The following ELAVL4 variants were observed in gnomAD, a reference collection of about 807,000 sequenced individuals.
ELAVL4 encodes the protein ELAV like RNA binding protein 4.
ELAVL4 carries 1 observed loss-of-function variant against 35.6 expected under a neutral mutation model. The observed-to-expected ratio is 0.03, with a 90% confidence interval of 0.01 to 0.13. ELAVL4 has a LOEUF of 0.13. ELAVL4 is among the 10% of genes least tolerant of loss of function. The pLI is 1.00. For missense variants in ELAVL4, 267 were observed against 464.9 expected (o/e 0.57, Z 3.91); for synonymous variants, 156 against 171.0 (o/e 0.91, Z 0.69).
At chr1:50,113,695 C>T (rs928283967) in intron 1 of ELAVL4, among the ~76,000 whole-genome samples, 12 of 152,000 alleles carry the variant, frequency 7.9e-5, no homozygotes, top group African/African-American at 2.9e-4. Context: ...ATTGTCCAGT[C>T]GATGGGCCAT....
At chr1:50,092,795 A>G (rs1458526485) in intron 1 of ELAVL4, among the ~76,000 whole-genome samples, 1 of 152,198 alleles carries the variant, frequency 6.6e-6, no homozygotes, top group Non-Finnish European at 1.5e-5. Context: ...TAGTTCAGTT[A>G]GGTAAACCAG....
intron 2 of ELAVL4, among the ~76,000 whole-genome samples, chr1:50,149,520 C>G (rs1219675807): frequency 1.3e-5 from 2 of 149,854 alleles, no homozygotes; most frequent in Non-Finnish European, 3.0e-5. Flanking sequence ...TCATGTCACT[C>G]TCTGTGTACC....
intron 1 of ELAVL4, chr1:50,109,541 G>T (rs1666705442): frequency 2.8e-6 from 1 of 358,896 alleles, no homozygotes; most frequent in East Asian, 5.0e-5. Context: ...TAAGGGAGAG[G>T]GGGTTTGTCT....
At chr1:50,116,789 AC>A in intron 1 of ELAVL4, among the ~76,000 whole-genome samples, 1 of 152,086 alleles carries the variant, frequency 6.6e-6, no homozygotes, top group Non-Finnish European at 1.5e-5. Flanking sequence ...TGTGATTTTT[AC>A]CAGATTTGAC....
chr1:50,172,214 A>ATCTCC lies in ELAVL4; in HGVS notation c.251-4875_251-4874insTCTCC, dbSNP rs569040364. 3.3e-3 allele frequency among the ~76,000 whole-genome samples: 501 copies of ATCTCC among 152,328 alleles called. 1 individual carries two copies. Among genetic ancestry groups the ATCTCC allele is most frequent in the African/African-American group, 0.011 (468 of 41,566 alleles). ...GATCAGAATAATCTCCAGGATCCTA[A>ATCTCC]AGGCAAGGAAAAGCTACGTCTATCC... On this transcript the variant is annotated intron_variant, in intron 2 of 6. Transcript: ENST00000371824.
intron 2 of ELAVL4, among the ~76,000 whole-genome samples, chr1:50,145,984 A>C (rs1005709109): frequency 2.0e-5 from 3 of 152,200 alleles, no homozygotes; most frequent in Non-Finnish European, 4.4e-5. Flanking sequence ...GGCAGTGAGA[A>C]TATTTTCTTG....
At chr1:50,120,140 A>G (rs1009647214) in intron 1 of ELAVL4, among the ~76,000 whole-genome samples, 3 of 151,818 alleles carry the variant, frequency 2.0e-5, no homozygotes, top group African/African-American at 7.3e-5. Flanking sequence ...AGTATTTAAA[A>G]TATATTATAG....
At chr1:50,122,536 G>A (rs146321606) in intron 1 of ELAVL4, among the ~76,000 whole-genome samples, 7 of 152,206 alleles carry the variant, frequency 4.6e-5, no homozygotes, top group African/African-American at 1.7e-4. Context: ...CTAGTGGCAT[G>A]GGTATTCTTA....
intron 2 of ELAVL4, among the ~76,000 whole-genome samples, chr1:50,150,339 C>G (rs895045300): frequency 6.6e-6 from 1 of 152,134 alleles, no homozygotes; most frequent in Non-Finnish European, 1.5e-5. Flanking sequence ...AGAATAAGGC[C>G]AAATAAATGA....
intron 2 of ELAVL4, among the ~76,000 whole-genome samples, chr1:50,171,881 AC>A (rs1036913246): frequency 3.3e-5 from 5 of 152,190 alleles, no homozygotes; most frequent in African/African-American, 9.6e-5. Context: ...TATGTGGATT[AC>A]TGCCATGCAG....
At chr1:50,100,547 C>T (rs1403441121), upstream of ELAVL4, among the ~76,000 whole-genome samples, 2 of 152,196 alleles carry the variant, frequency 1.3e-5, no homozygotes, top group Non-Finnish European at 2.9e-5. Context: ...AAGCCTTCCC[C>T]ATCACTCCAG....
chr1:50,081,786 G>A (rs1245339261), intron 1 of ELAVL4, among the ~76,000 whole-genome samples: 5 of 152,202 alleles, frequency 3.3e-5, no homozygotes, highest in South Asian at 4.2e-4. Flanking sequence ...CCATCAACCC[G>A]TCATCTACAT....
intron 1 of ELAVL4, among the ~76,000 whole-genome samples, chr1:50,095,287 C>G (rs1665672478): frequency 6.6e-6 from 1 of 151,984 alleles, no homozygotes; most frequent in Non-Finnish European, 1.5e-5. Flanking sequence ...TTGCTGAGTT[C>G]CTTAGGAACT....
intron 1 of ELAVL4, among the ~76,000 whole-genome samples, chr1:50,048,872 T>A (rs576310224): frequency 2.1e-4 from 32 of 152,210 alleles, no homozygotes; most frequent in Non-Finnish European, 3.4e-4. Flanking sequence ...GTGTATGTTG[T>A]AATTGTTGTC....
chr1:50,195,857 T>C lies in ELAVL4; in HGVS notation c.734+71T>C, dbSNP rs137932086. On this transcript the variant is annotated intron_variant, in intron 5 of 6. Transcript: ENST00000371824. ...GCTGGGCAAGAGCCAGGGAAGCCCA[T>C]GGTCCTGACAAATGGGGCAAGGGTA... The C allele has an allele frequency of 6.3e-4, 993 of 1,567,824 alleles. 14 individuals are homozygous for C. In the East Asian group the frequency reaches 0.022, roughly 34 times the overall value.
intron 3 of ELAVL4, among the ~76,000 whole-genome samples, chr1:50,187,109 C>T (rs1330430940): frequency 1.3e-5 from 2 of 152,164 alleles, no homozygotes; most frequent in African/African-American, 2.4e-5. Context: ...TCCTCATCTC[C>T]CCAGGGACTT....
At chr1:50,067,825 G>A (rs1290085998) in intron 1 of ELAVL4, among the ~76,000 whole-genome samples, 2 of 152,162 alleles carry the variant, frequency 1.3e-5, no homozygotes, top group Non-Finnish European at 1.5e-5. Flanking sequence ...GTGTCAGAAG[G>A]CGAAGCACAC....
At chr1:50,109,230 T>C (rs772991002) in intron 1 of ELAVL4, 32 bp downstream of exon 1, 41 of 1,610,048 alleles carry the variant, frequency 2.5e-5, no homozygotes, top group Non-Finnish European at 3.4e-5. Flanking sequence ...ATCTGTTGTT[T>C]GTGTTGCTGG....
At chr1:50,122,635 G>C (rs1173689956) in intron 1 of ELAVL4, among the ~76,000 whole-genome samples, 5 of 152,040 alleles carry the variant, frequency 3.3e-5, no homozygotes, top group African/African-American at 1.2e-4. Context: ...GCCAACAAGA[G>C]CTCAAGAACT....
Sources: gnomAD v4.1 joint callset for allele counts (sites outside exome capture counted in the v4.1 genomes callset) on GRCh38, gnomAD v4.1.1 for gene constraint, MANE v1.5 for transcripts, NCBI Gene and HGNC (gene_info 2026-07-23, HGNC 2026-07-21) for gene names.